The following DSCAML1 variants were observed in gnomAD, a reference collection of about 807,000 sequenced individuals.
DSCAML1 encodes cell adhesion molecule DSCAML1.
In DSCAML1, 38 loss-of-function variants were observed where a neutral mutation model predicts 200.5. That is an observed-to-expected ratio of 0.19 (90% confidence interval 0.15 to 0.25). The LOEUF is 0.25. Ranked by LOEUF, DSCAML1 falls within the 10% of genes least tolerant of loss-of-function variation. DSCAML1 has a pLI of 1.00. For missense variants in DSCAML1, 2,223 were observed against 2,858.8 expected, an observed-to-expected ratio of 0.78 and a Z score of 5.07; for synonymous variants, 1,215 against 1,165.0, an observed-to-expected ratio of 1.04 and a Z score of -0.87.
At chr11:117,704,901 A>G (rs2053732128) in intron 3 of DSCAML1, among the ~76,000 whole-genome samples, 1 of 152,174 alleles carries the variant, frequency 6.6e-6, no homozygotes, top group South Asian at 2.1e-4. Context: ...ATTCAGAGGA[A>G]CACTGGAAAA....
Position 117,443,792 on chromosome 11 carries a change from G to A in DSCAML1, c.3862+94C>T, listed in dbSNP as rs545555477. The A allele has an allele frequency of 2.9e-4, 426 of 1,479,350 alleles. 4 individuals carry two copies. In the South Asian group the frequency reaches 5.1e-3, roughly 18 times the overall value. 91.6% of individuals were successfully genotyped at this position (1,479,350 alleles called of 1,614,324 possible). ...CTCACAGCTGGGTGGCAGATAAAGC[G>A]GAGCAGGCAGAGACCCTGTCTGGGG... On this transcript the variant is annotated intron_variant, in intron 21 of 32. Coordinates refer to ENST00000651296, the MANE Select transcript of DSCAML1 (RefSeq NM_020693.4).
intron 1 of DSCAML1, among the ~76,000 whole-genome samples, chr11:117,813,758 G>A (rs12288831): frequency 0.13 from 19,483 of 151,912 alleles, 1,337 homozygotes; most frequent in African/African-American, 0.17. Flanking sequence ...AGGTTCCCAC[G>A]CCACCCCTAA....
chr11:117,478,272 G>A (rs1256942108), intron 14 of DSCAML1, among the ~76,000 whole-genome samples: 2 of 152,152 alleles, frequency 1.3e-5, no homozygotes, highest in East Asian at 1.9e-4. Context: ...GGGCACGAGC[G>A]ACAGCCCAGG....
At chr11:117,704,433 G>A (rs1344044799) in intron 3 of DSCAML1, among the ~76,000 whole-genome samples, 5 of 151,954 alleles carry the variant, frequency 3.3e-5, no homozygotes, top group East Asian at 1.9e-4. Flanking sequence ...TTGTGTGCAC[G>A]CGCGCACACA....
rs772586331 is a variant in DSCAML1 at position 117,439,845 on chromosome 11, G to A, written c.3954C>T (p.Ala1318=). The change falls in exon 22 of 33, where the codon GCC becomes GCT. Residue 1318 remains alanine (A), a synonymous_variant. Transcript: ENST00000651296. ...RLPCNSVGDP[A]PAVKWTKDSE... ...TGTCCTTGGTCCACTTCACAGCAGGGGCTGGATCTCCCACTGAATTGCAAG... is the reference window on the plus strand; with the variant it reads ...TGTCCTTGGTCCACTTCACAGCAGGAGCTGGATCTCCCACTGAATTGCAAG... The A allele has an allele frequency of 5.0e-6, 8 of 1,614,134 alleles. No individual in the cohort carries two copies. Among genetic ancestry groups the A allele is most frequent in the Non-Finnish European group, 6.8e-6 (8 of 1,180,012 alleles).
chr11:117,703,113 T>C (rs1417269592), intron 3 of DSCAML1, among the ~76,000 whole-genome samples: 1 of 152,140 alleles, frequency 6.6e-6, no homozygotes, highest in African/African-American at 2.4e-5. Flanking sequence ...GGTGAACGTG[T>C]GAGCAGTAGG....
intron 3 of DSCAML1, among the ~76,000 whole-genome samples, chr11:117,690,710 T>A (rs1030094142): frequency 9.2e-5 from 14 of 152,336 alleles, no homozygotes; most frequent in African/African-American, 3.1e-4. Context: ...TGGGATCTTG[T>A]GCGTAGGCCA....
chr11:117,795,406 C>A (rs551730950), intron 1 of DSCAML1, among the ~76,000 whole-genome samples: 142 of 151,396 alleles, frequency 9.4e-4, no homozygotes, highest in African/African-American at 3.0e-3. Flanking sequence ...AGCCAGCCTG[C>A]GGGGGCGGAG....
chr11:117,675,470 ATTTTTTTTTTTTTTTT>A (rs533948278), intron 3 of DSCAML1, among the ~76,000 whole-genome samples: 1 of 96,906 alleles, frequency 1.0e-5, no homozygotes, highest in Non-Finnish European at 1.9e-5. Context: ...GCTGATTGAA[ATTTTTTTTTTTTTTTT>A]TTTTTTTTTT....
intron 11 of DSCAML1, among the ~76,000 whole-genome samples, chr11:117,490,099 G>C (rs2049155773): frequency 6.6e-6 from 1 of 152,136 alleles, no homozygotes. Context: ...ACCCCTCAAA[G>C]AGGAAGCACC....
intron 3 of DSCAML1, among the ~76,000 whole-genome samples, chr11:117,756,323 G>T (rs940487116): frequency 2.0e-5 from 3 of 152,180 alleles, no homozygotes; most frequent in Non-Finnish European, 4.4e-5. Context: ...GATATGTGTG[G>T]GTCTTTGTGA....
intron 11 of DSCAML1, among the ~76,000 whole-genome samples, chr11:117,491,832 G>A (rs1030109075): frequency 6.6e-5 from 10 of 152,140 alleles, no homozygotes; most frequent in African/African-American, 2.4e-4. Context: ...AGACATCGAA[G>A]TAGAATCAGG....
rs577826832 is a variant in DSCAML1 at position 117,794,041 on chromosome 11, C to T, written c.46+2993G>A. On this transcript the variant is annotated intron_variant, in intron 1 of 32. Transcript: ENST00000651296. ...AACACATTTCCCCATTGCCCCCCCC[C>T]CCTTTTTTTAATTAGACACTGAACA... is the stretch of plus-strand genomic sequence containing the variant. Among the ~76,000 whole-genome samples the T allele has an allele frequency of 7.3e-5, 11 of 151,700 alleles. No individual in the cohort carries two copies. The East Asian group carries it at 9.7e-4, about 13-fold the overall frequency.
intron 3 of DSCAML1, among the ~76,000 whole-genome samples, chr11:117,603,131 A>T (rs1179658328): frequency 6.6e-6 from 1 of 152,092 alleles, no homozygotes; most frequent in African/African-American, 2.4e-5. Context: ...AAAAACCCAA[A>T]CCAATCAGAG....
chr11:117,567,659 C>T (rs1200386012), intron 3 of DSCAML1, among the ~76,000 whole-genome samples: 3 of 152,248 alleles, frequency 2.0e-5, no homozygotes, highest in Non-Finnish European at 2.9e-5. Flanking sequence ...TACACTCTCC[C>T]AAGACTAAAC....
intron 2 of DSCAML1, 77 bp from the exon 3 acceptor site, chr11:117,777,014 T>G: frequency 6.9e-7 from 1 of 1,458,624 alleles, no homozygotes; most frequent in South Asian, 1.2e-5. Context: ...GAACAGGGAG[T>G]CAGCTCAACT....
At chr11:117,468,264 T>C (rs985088285) in intron 16 of DSCAML1, among the ~76,000 whole-genome samples, 5 of 152,040 alleles carry the variant, frequency 3.3e-5, no homozygotes, top group Non-Finnish European at 7.3e-5. Flanking sequence ...GTGACTTATC[T>C]TCAAGTGAAT....
chr11:117,431,002 C>T lies in DSCAML1; in HGVS notation c.5406G>A (p.Glu1802=), dbSNP rs373725396. 6.2e-7 allele frequency: 1 copy of T among 1,613,772 alleles called. No individual in the cohort carries two copies. The highest frequency in any genetic ancestry group is 8.5e-7 in the Non-Finnish European group (1 of 1,179,930). Residue 1802 remains glutamate, a synonymous_variant, in exon 32 of 33, where the codon GAG becomes GAA. Coordinates refer to ENST00000651296, the MANE Select transcript of DSCAML1 (RefSeq NM_020693.4). ...GCTCCTCGTAGGTGGAAGAGGCACT[C>T]TCAGTGGACACCATGCTGTTCCTTC... ...DKGRNSMVST[E]SASSTYEELA...
chr11:117,693,637 T>C (rs997392163), intron 3 of DSCAML1, among the ~76,000 whole-genome samples: 1 of 152,136 alleles, frequency 6.6e-6, no homozygotes, highest in Non-Finnish European at 1.5e-5. Context: ...GAGAAATAAA[T>C]TCTGGGCCCC....
Sources: allele counts gnomAD v4.1 joint callset (sites outside exome capture counted in the v4.1 genomes callset), GRCh38; gene constraint gnomAD v4.1.1; transcripts MANE v1.5; gene names NCBI Gene and HGNC (gene_info 2026-07-23, HGNC 2026-07-21).